Variants in ETV6 observed in about 807,000 individuals in gnomAD.
ETV6 encodes transcription factor ETV6.
Under a neutral mutation model 51.1 loss-of-function variants are expected in ETV6, and 16 were observed. The observed-to-expected ratio is 0.31, with a 90% CI of 0.21 to 0.48. ETV6 has a LOEUF of 0.48. Ranked by LOEUF, ETV6 falls within the 20% of genes least tolerant of loss-of-function variation. The probability of loss-of-function intolerance (pLI) is 0.99; values close to 1 mark genes in which losing one functional copy is unlikely to be tolerated. For missense variants in ETV6, 458 were observed against 594.8 expected, an observed-to-expected ratio of 0.77 and a Z score of 2.39; for synonymous variants, 240 against 224.1, an observed-to-expected ratio of 1.07 and a Z score of -0.64.
chr12:11,858,233 AATG>A (rs1217464476), intron 4 of ETV6, among the ~76,000 whole-genome samples: 2 of 152,206 alleles, frequency 1.3e-5, no homozygotes, highest in Non-Finnish European at 2.9e-5. Context: ...TAAAATAAAC[AATG>A]ATATTACTTC....
intron 2 of ETV6, among the ~76,000 whole-genome samples, chr12:11,802,809 C>T (rs1945769091): frequency 1.3e-5 from 2 of 152,134 alleles, no homozygotes; most frequent in Non-Finnish European, 2.9e-5. Context: ...TTGGGAATTC[C>T]GTAGGTTCCC....
At chr12:11,742,451 G>C (rs1316975451) in intron 1 of ETV6, among the ~76,000 whole-genome samples, 1 of 152,128 alleles carries the variant, frequency 6.6e-6, no homozygotes. Context: ...TACTTGCCAA[G>C]GTGATTATGA....
intron 1 of ETV6, among the ~76,000 whole-genome samples, chr12:11,660,703 A>G (rs1335296308): frequency 1.3e-5 from 2 of 151,900 alleles, no homozygotes; most frequent in African/African-American, 4.8e-5. Flanking sequence ...ACTTCTCTCA[A>G]GTTTATTGCT....
At chr12:11,818,201 G>A (rs1946022158) in intron 2 of ETV6, among the ~76,000 whole-genome samples, 1 of 152,138 alleles carries the variant, frequency 6.6e-6, no homozygotes, top group African/African-American at 2.4e-5. Context: ...CCTTTGGTGG[G>A]GAGTTGTGAA....
At chr12:11,872,110 T>C (rs1677498409) in intron 5 of ETV6, among the ~76,000 whole-genome samples, 1 of 152,234 alleles carries the variant, frequency 6.6e-6, no homozygotes, top group East Asian at 1.9e-4. Flanking sequence ...TTTATAATTC[T>C]CAGGACCGCT....
chr12:11,816,948 GATA>G (rs1946002501), intron 2 of ETV6, among the ~76,000 whole-genome samples: 5 of 152,192 alleles, frequency 3.3e-5, no homozygotes, highest in African/African-American at 7.2e-5. Context: ...CCAAGCCAGG[GATA>G]GCACATGCCA....
chr12:11,670,733 C>A (rs1864297759), intron 1 of ETV6, among the ~76,000 whole-genome samples: 2 of 152,274 alleles, frequency 1.3e-5, no homozygotes, highest in South Asian at 4.1e-4. Context: ...GACATACGTA[C>A]AAATTCTTTC....
intron 1 of ETV6, among the ~76,000 whole-genome samples, chr12:11,659,863 C>T (rs1016623737): frequency 6.6e-6 from 1 of 152,130 alleles, no homozygotes; most frequent in Non-Finnish European, 1.5e-5. Flanking sequence ...CCCAGAGCTG[C>T]CCACCTCACT....
At chr12:11,650,871 C>CA (rs1333528837) in intron 1 of ETV6, among the ~76,000 whole-genome samples, 1 of 152,178 alleles carries the variant, frequency 6.6e-6, no homozygotes, top group East Asian at 1.9e-4. Flanking sequence ...AAGAACTAAG[C>CA]AACCAGGCAA....
At chr12:11,837,832 T>C (rs1946337907) in intron 2 of ETV6, among the ~76,000 whole-genome samples, 1 of 152,222 alleles carries the variant, frequency 6.6e-6, no homozygotes, top group South Asian at 2.1e-4. Flanking sequence ...GTTCTTAAAT[T>C]TGGTCTCATG....
At chr12:11,675,901 G>T (rs1203100095) in intron 1 of ETV6, among the ~76,000 whole-genome samples, 1 of 151,612 alleles carries the variant, frequency 6.6e-6, no homozygotes, top group Non-Finnish European at 1.5e-5. Context: ...GGAGGGAAAA[G>T]AAAAAGGGAG....
At chr12:11,681,514 T>G (rs540941600) in intron 1 of ETV6, among the ~76,000 whole-genome samples, 146 of 152,282 alleles carry the variant, frequency 9.6e-4, no homozygotes, top group African/African-American at 3.1e-3. Context: ...CAGACCACAA[T>G]TTAGTGAATA....
At chr12:11,794,307 C>G (rs771597986) in intron 2 of ETV6, among the ~76,000 whole-genome samples, 1 of 152,116 alleles carries the variant, frequency 6.6e-6, no homozygotes, top group Non-Finnish European at 1.5e-5. Flanking sequence ...CCTATGAAAC[C>G]GACCTCTGCC....
chr12:11,674,779 G>A (rs573561095), intron 1 of ETV6, among the ~76,000 whole-genome samples: 4 of 151,922 alleles, frequency 2.6e-5, no homozygotes, highest in African/African-American at 9.7e-5. Context: ...GTGAGAAGGG[G>A]CAGGGAGAGA....
intron 1 of ETV6, among the ~76,000 whole-genome samples, chr12:11,684,859 C>A (rs1307075385): frequency 6.6e-6 from 1 of 152,102 alleles, no homozygotes; most frequent in Non-Finnish European, 1.5e-5. Flanking sequence ...TACCCAAGAG[C>A]CAATATTCTA....
intron 1 of ETV6, among the ~76,000 whole-genome samples, chr12:11,702,481 CTAAG>C (rs1350120679): frequency 1.3e-5 from 2 of 152,114 alleles, no homozygotes; most frequent in Non-Finnish European, 2.9e-5. Flanking sequence ...TCTTCATGGG[CTAAG>C]TGATTGCATG....
intron 1 of ETV6, among the ~76,000 whole-genome samples, chr12:11,715,810 A>G (rs1398108770): frequency 6.6e-6 from 1 of 152,218 alleles, no homozygotes; most frequent in Non-Finnish European, 1.5e-5. Context: ...AGTTCCTTAA[A>G]ATAGCTAAAT....
At chr12:11,846,855 GTTGTTTGTTTGTTT>G (rs2136477928) in intron 3 of ETV6, among the ~76,000 whole-genome samples, 1 of 152,246 alleles carries the variant, frequency 6.6e-6, no homozygotes, top group South Asian at 2.1e-4. Context: ...TTTGTTTTTT[GTTGTTTGTTTGTTT>G]TTGTTTGTTT....
At chr12:11,814,715 T>C (rs2136425444) in intron 2 of ETV6, among the ~76,000 whole-genome samples, 1 of 152,362 alleles carries the variant, frequency 6.6e-6, no homozygotes, top group African/African-American at 2.4e-5. Context: ...GGAAATGTTA[T>C]GCAGAAACAT....
Sources: allele counts gnomAD v4.1 joint callset (sites outside exome capture counted in the v4.1 genomes callset), GRCh38; gene constraint gnomAD v4.1.1; transcripts MANE v1.5; gene names NCBI Gene and HGNC (gene_info 2026-07-23, HGNC 2026-07-21).